Variants in PTPRJ observed in about 807,000 individuals in gnomAD.
The protein encoded by PTPRJ is protein tyrosine phosphatase receptor type J.
A neutral mutation model predicts 141.3 loss-of-function variants in PTPRJ; 129 were observed. The observed-to-expected ratio is 0.91, with a 90% CI of 0.79 to 1.06. PTPRJ has a LOEUF of 1.06. Ranked by LOEUF, PTPRJ falls within the 50% of genes least tolerant of loss-of-function variation. The pLI is 0.00. For missense variants in PTPRJ, 1,601 were observed against 1,679.7 expected, an observed-to-expected ratio of 0.95 and a Z score of 0.82; for synonymous variants, 610 against 640.5, an observed-to-expected ratio of 0.95 and a Z score of 0.72.
chr11:48,003,470 AT>A (rs894783727), intron 1 of PTPRJ, among the ~76,000 whole-genome samples: 15 of 151,004 alleles, frequency 9.9e-5, no homozygotes, highest in East Asian at 1.9e-4. Context: ...GGGTATTATC[AT>A]TAAAAAAAAA....
At chr11:48,129,597 C>G (rs1856922939) in intron 7 of PTPRJ, among the ~76,000 whole-genome samples, 1 of 152,148 alleles carries the variant, frequency 6.6e-6, no homozygotes, top group Admixed American at 6.5e-5. Flanking sequence ...AGTTGAGGAG[C>G]AGGCTTTAGG....
intron 1 of PTPRJ, among the ~76,000 whole-genome samples, chr11:47,983,916 C>T (rs1482944437): frequency 6.6e-6 from 1 of 152,110 alleles, no homozygotes; most frequent in African/African-American, 2.4e-5. Context: ...GGTTTATTAT[C>T]TCTCATGGCT....
chr11:48,066,180 G>A (rs745565863), intron 1 of PTPRJ, among the ~76,000 whole-genome samples: 2 of 152,072 alleles, frequency 1.3e-5, no homozygotes, highest in Non-Finnish European at 2.9e-5. Context: ...CCAAAGTAAT[G>A]CGTATTGCAG....
intron 1 of PTPRJ, among the ~76,000 whole-genome samples, chr11:48,109,352 C>A (rs1396274569): frequency 1.3e-5 from 2 of 152,038 alleles, no homozygotes; most frequent in African/African-American, 4.8e-5. Context: ...CCTTGAATCA[C>A]TTTAGATTTT....
Position 47,981,138 on chromosome 11 carries a change from G to A in PTPRJ, c.96+130G>A, listed in dbSNP as rs1167163573. On this transcript the variant is annotated intron_variant, in intron 1 of 24. Transcript: ENST00000418331. ...CGGGGGTCCGGATCCCCGGATCCCC[G>A]GAAGGCGACTTGCGGGGACCCCGGC... is the stretch of plus-strand genomic sequence containing the variant. 4.7e-5 allele frequency: 46 copies of A among 987,106 alleles called. No homozygotes were observed. In the East Asian group the frequency reaches 1.8e-3, roughly 38 times the overall value. The allele number at this position is 987,106 out of a possible 1,614,324, so 61.1% of individuals were successfully genotyped here. A position where few individuals can be genotyped will look rare whatever the true frequency, so the allele number is the denominator to read the frequency against.
intron 1 of PTPRJ, among the ~76,000 whole-genome samples, chr11:48,062,669 G>A (rs542071158): frequency 5.9e-5 from 9 of 152,346 alleles, no homozygotes; most frequent in Admixed American, 2.0e-4. Flanking sequence ...TGGACAAGGT[G>A]CTGGAGCAGC....
rs142694361 is a variant in PTPRJ at position 48,140,136 on chromosome 11, G to C, written c.2443+360G>C. 1.8e-4 allele frequency among the ~76,000 whole-genome samples: 27 copies of C among 152,316 alleles called. No individual in the cohort carries two copies. In the East Asian group the frequency reaches 5.2e-3, roughly 29 times the overall value. On this transcript the variant is annotated intron_variant, in intron 11 of 24. Coordinates refer to ENST00000418331, the MANE Select transcript of PTPRJ (RefSeq NM_002843.4). Reference sequence around the variant, plus strand: ...TGCAACCTCTGCTTCCTGGGTTCAAGTGATTTTGGTGCCTCAGCCTCCTGA... The same window carrying C: ...TGCAACCTCTGCTTCCTGGGTTCAACTGATTTTGGTGCCTCAGCCTCCTGA...
At chr11:48,149,530 T>C in intron 16 of PTPRJ, 42 bp downstream of exon 16, 1 of 1,270,792 alleles carries the variant, frequency 7.9e-7, no homozygotes. Context: ...AATCCTCCAA[T>C]CTGTTCGGTG....
intron 1 of PTPRJ, among the ~76,000 whole-genome samples, chr11:48,076,750 G>T (rs1476738477): frequency 4.8e-5 from 7 of 146,288 alleles, no homozygotes; most frequent in African/African-American, 1.5e-4. Flanking sequence ...AAATATCTGC[G>T]CCTTTAAGAT....
intron 7 of PTPRJ, among the ~76,000 whole-genome samples, chr11:48,129,393 C>G (rs972725872): frequency 6.6e-6 from 1 of 152,166 alleles, no homozygotes; most frequent in Non-Finnish European, 1.5e-5. Flanking sequence ...CCTTAGTCTG[C>G]GTGTGCCTAT....
chr11:48,127,943 T>C lies in PTPRJ; in HGVS notation c.1257T>C (p.Ala419=). The C allele has an allele frequency of 7.4e-6, 12 of 1,614,198 alleles. No individual in the cohort carries two copies. Among genetic ancestry groups the C allele is most frequent in the Non-Finnish European group, 1.0e-5 (12 of 1,180,028 alleles). The change falls in exon 7 of 25, where the codon GCT becomes GCC. Residue 419 remains alanine (A), a synonymous_variant. Coordinates refer to ENST00000418331, the MANE Select transcript of PTPRJ (RefSeq NM_002843.4). ...ATCTCAACGTCAGTGAGCCTCGCGC[T>C]GTCATCCCCGGACTCCGCTCCAGCA... The part of the protein sequence containing the change: ...SSNLNVSEPR[A]VIPGLRSSTF...
intron 1 of PTPRJ, among the ~76,000 whole-genome samples, chr11:47,996,334 C>CAAAA (rs1292092161): frequency 8.9e-5 from 5 of 56,174 alleles, no homozygotes; most frequent in Non-Finnish European, 1.5e-4. Context: ...GACTCTGTCT[C>CAAAA]AAAAAAAAAA....
In PTPRJ at chr11:48,111,278, C is replaced by T. The variant is rs926087403; in HGVS notation, c.115+1202C>T. Among the ~76,000 whole-genome samples the T allele has an allele frequency of 9.1e-5, 4 of 44,008 alleles. No individual in the cohort carries two copies. In the Admixed American group the frequency reaches 1.2e-3, roughly 13 times the overall value. The allele number at this position is 44,008 out of a possible 152,430, so 28.9% of individuals were successfully genotyped here. On this transcript the variant is annotated intron_variant, in intron 2 of 24. Transcript: ENST00000418331. ...CTGGGCAACAAGAGTGAAACTCCAT[C>T]TCAAAAAAAAAAAAAAAAAAAAAAA...
At chr11:48,012,466 C>A (rs1854825505) in intron 1 of PTPRJ, among the ~76,000 whole-genome samples, 1 of 152,126 alleles carries the variant, frequency 6.6e-6, no homozygotes, top group African/African-American at 2.4e-5. Flanking sequence ...ATATGGAGGG[C>A]AGTGTCCCCA....
intron 1 of PTPRJ, among the ~76,000 whole-genome samples, chr11:48,065,698 G>T (rs754976826): frequency 6.6e-6 from 1 of 152,110 alleles, no homozygotes; most frequent in Non-Finnish European, 1.5e-5. Context: ...ACTATGCCAG[G>T]TCTGTTCTAA....
chr11:48,153,990 C>T lies in PTPRJ; in HGVS notation c.3229+104C>T. The T allele has an allele frequency of 3.3e-5, 26 of 794,648 alleles. No individual in the cohort carries two copies. In the South Asian group the frequency reaches 3.8e-4, roughly 12 times the overall value. The allele number at this position is 794,648 out of a possible 1,614,324, so 49.2% of individuals were successfully genotyped here. On this transcript the variant is annotated intron_variant, in intron 19 of 24. Transcript: ENST00000418331. Reference sequence around the variant, plus strand: ...CAGTGATCCTAAGTAACCACTTCCACAACCATTCATTAGTCACCTACTTCC... The same window carrying T: ...CAGTGATCCTAAGTAACCACTTCCATAACCATTCATTAGTCACCTACTTCC...
intron 5 of PTPRJ, among the ~76,000 whole-genome samples, chr11:48,124,097 C>T (rs541502489): frequency 6.6e-6 from 1 of 152,244 alleles, no homozygotes; most frequent in South Asian, 2.1e-4. Context: ...GGAATTGAAA[C>T]TTTTTAGAGT....
rs142849806 is a variant in PTPRJ, at chr11:48,112,913, T to C, written c.282T>C (p.Asp94=). ...SEDGESSGAN[D]SLRTPEQGSN... ...ATGGTGAAAGCTCTGGAGCCAACGA[T>C]AGTTTAAGAACACCTGAACAAGGAT... Residue 94 remains aspartate, a synonymous_variant, in exon 3 of 25, where the codon GAT becomes GAC. Transcript: ENST00000418331. The C allele has an allele frequency of 1.7e-3, 2,773 of 1,614,152 alleles. 8 individuals carry two copies. Among genetic ancestry groups the C allele is most frequent in the Non-Finnish European group, 2.1e-3 (2,480 of 1,180,030 alleles).
intron 1 of PTPRJ, among the ~76,000 whole-genome samples, chr11:48,080,503 T>C (rs948976032): frequency 6.6e-6 from 1 of 152,152 alleles, no homozygotes; most frequent in East Asian, 1.9e-4. Flanking sequence ...TAGGGGCACA[T>C]AAAACTGTTC....
Sources: allele counts gnomAD v4.1 joint callset (sites outside exome capture counted in the v4.1 genomes callset), GRCh38; gene constraint gnomAD v4.1.1; transcripts MANE v1.5; gene names NCBI Gene and HGNC (gene_info 2026-07-23, HGNC 2026-07-21).